ZFAND3: variants seen among roughly 807,000 people sequenced by gnomAD.
The protein encoded by ZFAND3 is zinc finger AN1-type containing 3.
In ZFAND3, 10 loss-of-function variants were observed where a neutral mutation model predicts 29.6. The ratio of observed to expected loss-of-function variants is 0.34; its 90% CI spans 0.21 to 0.57. The LOEUF (loss-of-function observed/expected upper bound fraction) is 0.57, where lower values mean the gene tolerates loss of function less well. Among genes scored for constraint, ZFAND3 ranks in the 20% least tolerant of loss-of-function variants. The probability of loss-of-function intolerance (pLI) is 0.86; values close to 1 mark genes in which losing one functional copy is unlikely to be tolerated. For missense variants in ZFAND3, 230 were observed against 304.5 expected (o/e 0.76, Z 1.82); for synonymous variants, 128 against 112.6 (o/e 1.14, Z -0.87).
At chr6:38,137,661 A>G (rs1765867867) in intron 5 of ZFAND3, among the ~76,000 whole-genome samples, 1 of 152,158 alleles carries the variant, frequency 6.6e-6, no homozygotes, top group Non-Finnish European at 1.5e-5. Context: ...TAATAAAATG[A>G]CAGTGTGATA....
At chr6:37,924,198 T>C (rs1761438542) in intron 1 of ZFAND3, among the ~76,000 whole-genome samples, 1 of 152,134 alleles carries the variant, frequency 6.6e-6, no homozygotes. Context: ...AGGTAATGCA[T>C]TGTGACAGAG....
intron 1 of ZFAND3, among the ~76,000 whole-genome samples, chr6:37,827,133 A>G (rs1236408005): frequency 1.3e-5 from 2 of 151,694 alleles, no homozygotes; most frequent in Non-Finnish European, 3.0e-5. Flanking sequence ...CGGCCCTAAC[A>G]TAGTTTATTT....
chr6:37,822,377 G>A (rs1309931120), intron 1 of ZFAND3, among the ~76,000 whole-genome samples: 1 of 152,198 alleles, frequency 6.6e-6, no homozygotes, highest in African/African-American at 2.4e-5. Flanking sequence ...TCCTAAGGAC[G>A]TTTGTAGACA....
chr6:38,095,524 A>G (rs898744382), intron 4 of ZFAND3, among the ~76,000 whole-genome samples: 4 of 151,972 alleles, frequency 2.6e-5, no homozygotes, highest in South Asian at 2.1e-4. Context: ...CCTAGCGCCT[A>G]CCGGTCTTTC....
chr6:38,079,451 A>G (rs1457529992), intron 3 of ZFAND3, among the ~76,000 whole-genome samples: 2 of 152,218 alleles, frequency 1.3e-5, no homozygotes, highest in Admixed American at 1.3e-4. Flanking sequence ...AAATGTATTC[A>G]CTAGAAATTT....
chr6:37,932,185 C>T (rs1408637684), intron 2 of ZFAND3, among the ~76,000 whole-genome samples: 1 of 151,864 alleles, frequency 6.6e-6, no homozygotes, highest in African/African-American at 2.4e-5. Flanking sequence ...GGGAGAATCG[C>T]TTGAACCTAG....
At chr6:38,065,292 C>T (rs1018984595) in intron 3 of ZFAND3, among the ~76,000 whole-genome samples, 1 of 149,992 alleles carries the variant, frequency 6.7e-6, no homozygotes, top group Non-Finnish European at 1.5e-5. Flanking sequence ...TCCAGCCTGG[C>T]GACAGAGTGG....
At chr6:38,082,879 G>A (rs565585326) in intron 4 of ZFAND3, among the ~76,000 whole-genome samples, 2 of 152,088 alleles carry the variant, frequency 1.3e-5, no homozygotes, top group East Asian at 3.9e-4. Flanking sequence ...TCTGTCATTC[G>A]ATTTAAAGCC....
chr6:37,946,307 G>C (rs548540160), intron 2 of ZFAND3, among the ~76,000 whole-genome samples: 40 of 152,230 alleles, frequency 2.6e-4, no homozygotes, highest in African/African-American at 9.6e-4. Flanking sequence ...ATGACTCAAG[G>C]TTTTGTGAAC....
intron 1 of ZFAND3, among the ~76,000 whole-genome samples, chr6:37,884,494 C>CAAAAAAAA (rs58015486): frequency 9.3e-5 from 5 of 53,840 alleles, no homozygotes; most frequent in Non-Finnish European, 1.2e-4. Context: ...AACTCTAGCT[C>CAAAAAAAA]AAAAAAAAAA....
At chr6:38,036,739 C>G (rs765767390) in intron 2 of ZFAND3, among the ~76,000 whole-genome samples, 9 of 152,114 alleles carry the variant, frequency 5.9e-5, no homozygotes, top group Non-Finnish European at 1.2e-4. Context: ...CATGTAAATA[C>G]TAAATATATG....
intron 1 of ZFAND3, among the ~76,000 whole-genome samples, chr6:37,913,335 C>G (rs1394724860): frequency 6.6e-6 from 1 of 152,180 alleles, no homozygotes; most frequent in South Asian, 2.1e-4. Flanking sequence ...TATTCTAAAT[C>G]CTTTGTTATT....
At chr6:37,925,878 A>C (rs1761475823) in intron 1 of ZFAND3, among the ~76,000 whole-genome samples, 1 of 152,214 alleles carries the variant, frequency 6.6e-6, no homozygotes, top group African/African-American at 2.4e-5. Context: ...GCAGTTAGAT[A>C]TGTGAGTTTG....
chr6:38,047,690 C>T (rs1463995064), intron 2 of ZFAND3, among the ~76,000 whole-genome samples: 1 of 152,120 alleles, frequency 6.6e-6, no homozygotes, highest in East Asian at 1.9e-4. Context: ...ACTTTAAGAG[C>T]TGTTAGGTGG....
At chr6:38,069,969 G>A (rs1356236116) in intron 3 of ZFAND3, among the ~76,000 whole-genome samples, 2 of 152,124 alleles carry the variant, frequency 1.3e-5, no homozygotes, top group East Asian at 3.9e-4. Context: ...CTCAATTTTT[G>A]AATTACAAAG....
chr6:37,839,483 GTTATTTTT>G (rs1287356745), intron 1 of ZFAND3, among the ~76,000 whole-genome samples: 1 of 141,902 alleles, frequency 7.0e-6, no homozygotes, highest in Non-Finnish European at 1.5e-5. Context: ...TGCCCGGCCA[GTTATTTTT>G]TTATTTTTTA....
intron 3 of ZFAND3, among the ~76,000 whole-genome samples, chr6:38,066,278 T>C (rs1392093071): frequency 1.3e-5 from 2 of 152,206 alleles, no homozygotes; most frequent in African/African-American, 4.8e-5. Context: ...CTAGTAGCAG[T>C]GAAGACCCAA....
intron 1 of ZFAND3, among the ~76,000 whole-genome samples, chr6:37,894,428 G>A (rs1053997146): frequency 1.0e-4 from 15 of 150,628 alleles, no homozygotes; most frequent in African/African-American, 3.7e-4. Flanking sequence ...GAGTGCAGCC[G>A]TGTGATCATA....
intron 2 of ZFAND3, among the ~76,000 whole-genome samples, chr6:37,955,613 A>T (rs889048749): frequency 6.6e-6 from 1 of 152,232 alleles, no homozygotes; most frequent in Non-Finnish European, 1.5e-5. Flanking sequence ...GCTATGACCC[A>T]GTAACTATTA....
Sources: allele counts gnomAD v4.1 joint callset (sites outside exome capture counted in the v4.1 genomes callset), GRCh38; gene constraint gnomAD v4.1.1; transcripts MANE v1.5; gene names NCBI Gene and HGNC (gene_info 2026-07-23, HGNC 2026-07-21).